The following SIDT1 variants were observed in gnomAD, a reference collection of about 807,000 sequenced individuals.
SIDT1 encodes the protein SID1 transmembrane family member 1, also known as SID1 transmembrane family, member 1.
SIDT1 carries 101 observed loss-of-function variants against 107.5 expected under a neutral mutation model. The ratio of observed to expected loss-of-function variants is 0.94; its 90% CI spans 0.80 to 1.11. SIDT1 has a LOEUF of 1.11. Ranked by LOEUF, SIDT1 falls within the 50% of genes least tolerant of loss-of-function variation. SIDT1 has a pLI of 0.00. For synonymous variants in SIDT1, 395 were observed against 398.2 expected, an observed-to-expected ratio of 0.99 and a Z score of 0.10; for missense variants, 1,076 against 1,058.2, an observed-to-expected ratio of 1.02 and a Z score of -0.23.
In SIDT1 at chr3:113,623,373, A is replaced by G. The variant is rs886387727; in HGVS notation, c.2091-54A>G. The G allele has an allele frequency of 1.1e-5, 13 of 1,184,748 alleles. No individual in the cohort carries two copies. The African/African-American group carries it at 2.0e-4, about 18-fold the overall frequency. 73.4% of individuals were successfully genotyped at this position (1,184,748 alleles called of 1,614,324 possible). A position where few individuals can be genotyped will look rare whatever the true frequency, so the allele number is the denominator to read the frequency against. ...AAGGGACTGGGGGATTGGAAAAGCC[A>G]ATAGTGTTACAAATCCACCTTCACG... is the stretch of plus-strand genomic sequence containing the variant. On this transcript the variant is annotated intron_variant, in intron 21 of 24. Transcript: ENST00000264852.
At chr3:113,595,578 CAA>C (rs200311251) in intron 10 of SIDT1, among the ~76,000 whole-genome samples, 17 of 129,968 alleles carry the variant, frequency 1.3e-4, no homozygotes, top group Admixed American at 2.4e-4. Context: ...GACCGTGTCT[CAA>C]AAAAAAAAAA....
Position 113,566,278 on chromosome 3 carries a change from C to T in SIDT1, c.223-142C>T, listed in dbSNP as rs979676334. 17 of 742,204 alleles carry T rather than the reference C, an allele frequency of 2.3e-5. No homozygotes were observed. In the African/African-American group the frequency reaches 2.7e-4, roughly 12 times the overall value. 46.0% of individuals were successfully genotyped at this position (742,204 alleles called of 1,614,324 possible). A position where few individuals can be genotyped will look rare whatever the true frequency, so the allele number is the denominator to read the frequency against. On this transcript the variant is annotated intron_variant, in intron 1 of 24. Transcript: ENST00000264852. ...ATTACCTATCATGAGAAGCAAATAT[C>T]AGAAATTAAAGTGTTTCTGAGCCTC... is the stretch of plus-strand genomic sequence containing the variant.
rs1481902937 is a variant in SIDT1, at chr3:113,592,552, CAT to C, written c.1002-452_1002-451del. ...GTTCCAATTTCTCCATATCCAAAGA[CAT>C]GTGTTTGTTTGTTGTTGTTGTTTGT... is the stretch of plus-strand genomic sequence containing the variant. On this transcript the variant is annotated intron_variant, in intron 9 of 24. Transcript: ENST00000264852. Among the ~76,000 whole-genome samples, 6 of 151,900 alleles carry C rather than the reference CAT, an allele frequency of 3.9e-5. No individual in the cohort carries two copies. In the South Asian group the frequency reaches 6.2e-4, roughly 16 times the overall value.
chr3:113,601,958 G>T, intron 11 of SIDT1: 1 of 272,332 alleles, frequency 3.7e-6, no homozygotes, highest in Non-Finnish European at 6.9e-6. Flanking sequence ...CCCGGGTTTA[G>T]GGCATGAAAG....
At chr3:113,602,329 A>G (rs945082826) in intron 11 of SIDT1, 8 of 152,266 alleles carry the variant, frequency 5.3e-5, no homozygotes, top group Non-Finnish European at 8.8e-5. Context: ...TCATTCTGTA[A>G]CTTTGAGAAG....
intron 5 of SIDT1, 87 bp from the exon 6 acceptor site, chr3:113,581,274 C>T: frequency 9.2e-7 from 1 of 1,083,550 alleles, no homozygotes; most frequent in Non-Finnish European, 1.4e-6. Context: ...GTGATCCAAG[C>T]AGAAAGATGC....
At chr3:113,633,699 T>A (rs186276480), downstream of SIDT1, among the ~76,000 whole-genome samples, 3 of 152,252 alleles carry the variant, frequency 2.0e-5, no homozygotes, top group East Asian at 5.8e-4. Context: ...AAGCATTGGG[T>A]AGTAGTGTTG....
intron 1 of SIDT1, among the ~76,000 whole-genome samples, chr3:113,537,813 C>T (rs1210832435): frequency 3.3e-5 from 5 of 152,180 alleles, no homozygotes; most frequent in East Asian, 1.9e-4. Context: ...GACATAGTCT[C>T]GCTGTGTCAC....
At chr3:113,587,411 AC>A (rs1477063193) in intron 9 of SIDT1, among the ~76,000 whole-genome samples, 1 of 152,206 alleles carries the variant, frequency 6.6e-6, no homozygotes. Context: ...TGAATATTAT[AC>A]CTGGAAAGTA....
Position 113,627,696 on chromosome 3 carries a change from C to A in SIDT1, c.2472C>A (p.Ile824=). The change falls in exon 25 of 25, where the codon ATC becomes ATA. Residue 824 remains isoleucine, a synonymous_variant. Transcript: ENST00000264852. The part of the protein sequence containing the change: ...DDLDVVRRDQ[I]PVF ...TTGATGTGGTTCGGAGAGACCAGAT[C>A]CCTGTCTTCTGAACCTCCAACATTA... The A allele has an allele frequency of 1.2e-6, 2 of 1,613,658 alleles. No homozygotes were observed. Among genetic ancestry groups the A allele is most frequent in the Non-Finnish European group, 1.7e-6 (2 of 1,179,996 alleles).
rs1019477231 is a variant in SIDT1, at chr3:113,567,526, A to G, written c.345-14A>G. 5 of 1,602,202 alleles carry G rather than the reference A, an allele frequency of 3.1e-6. No individual in the cohort carries two copies. The highest frequency in any genetic ancestry group is 1.3e-5 in the African/African-American group (1 of 74,316). On this transcript the variant is annotated splice_polypyrimidine_tract_variant and intron_variant, in intron 2 of 24. Transcript: ENST00000264852. ...GTCCTTGTTTATTTTTTTCCCCTAT[A>G]TTGGCTGCTTCAGATACCAGAGGAG...
intron 6 of SIDT1, 61 bp downstream of exon 6, chr3:113,581,505 A>G: frequency 7.5e-7 from 1 of 1,329,304 alleles, no homozygotes; most frequent in Non-Finnish European, 1.1e-6. Flanking sequence ...TAGTGTACTT[A>G]CTGGGCCAGC....
chr3:113,611,983 A>G (rs766694766), intron 18 of SIDT1, 103 bp from the exon 19 acceptor site: 17 of 766,654 alleles, frequency 2.2e-5, no homozygotes, highest in Non-Finnish European at 3.9e-5. Context: ...TAGAATGTGC[A>G]CACAGCTGTT....
intron 7 of SIDT1, 43 bp from the exon 8 acceptor site, chr3:113,584,655 T>C: frequency 7.2e-7 from 1 of 1,381,280 alleles, no homozygotes; most frequent in Non-Finnish European, 1.0e-6. Flanking sequence ...AATCATTATC[T>C]GATTCAATGT....
intron 2 of SIDT1, 62 bp from the exon 3 acceptor site, chr3:113,567,478 C>G: frequency 7.3e-7 from 1 of 1,373,336 alleles, no homozygotes; most frequent in Non-Finnish European, 1.0e-6. Flanking sequence ...CCTTTCCCTG[C>G]TCATTCACTG....
At position 113,628,452 on chromosome 3, in the gene SIDT1, T is replaced by G. The variant is rs1406944168; in HGVS notation, c.*744T>G. The stretch of plus-strand genomic sequence containing the variant: ...ACCTCATCACTCTGACTCTGCCTTC[T>G]TGGAAAGGCCCTGTCACTCCACAGA... On this transcript the variant is annotated 3_prime_UTR_variant, in exon 25 of 25. Transcript: ENST00000264852. The G allele has an allele frequency of 6.5e-6, 1 of 152,712 alleles. No homozygotes were observed. The highest frequency in any genetic ancestry group is 1.9e-4 in the East Asian group (1 of 5,190). 9.5% of individuals were successfully genotyped at this position (152,712 alleles called of 1,614,324 possible). A position where few individuals can be genotyped will look rare whatever the true frequency, so the allele number is the denominator to read the frequency against.
intron 1 of SIDT1, among the ~76,000 whole-genome samples, chr3:113,543,405 TGAA>T (rs1157420952): frequency 6.6e-6 from 1 of 152,144 alleles, no homozygotes; most frequent in Admixed American, 6.5e-5. Flanking sequence ...GAGCACTTTT[TGAA>T]GGATTTTGGG....
chr3:113,630,700 G>A (rs1056102145), downstream of SIDT1, among the ~76,000 whole-genome samples: 1 of 152,170 alleles, frequency 6.6e-6, no homozygotes, highest in Non-Finnish European at 1.5e-5. Flanking sequence ...GTGCCCTTGG[G>A]GAAGTGACTG....
chr3:113,629,108 C>T lies in SIDT1; in HGVS notation c.*1400C>T, dbSNP rs934530297. 3.3e-5 allele frequency: 5 copies of T among 152,196 alleles called. No homozygotes were observed. The highest frequency in any genetic ancestry group is 9.7e-5 in the African/African-American group (4 of 41,442). The allele number at this position is 152,196 out of a possible 1,614,324, so 9.4% of individuals were successfully genotyped here. A position where few individuals can be genotyped will look rare whatever the true frequency, so the allele number is the denominator to read the frequency against. On this transcript the variant is annotated 3_prime_UTR_variant, in exon 25 of 25. Coordinates refer to ENST00000264852, the MANE Select transcript of SIDT1 (RefSeq NM_017699.3). ...TCTTGCCTCTGCTTTCCTGATCATT[C>T]GTTAGAGAAATGGATCAGGCATTTT...
Sources: allele counts gnomAD v4.1 joint callset (sites outside exome capture counted in the v4.1 genomes callset), GRCh38; gene constraint gnomAD v4.1.1; transcripts MANE v1.5; gene names NCBI Gene and HGNC (gene_info 2026-07-23, HGNC 2026-07-21).